CTNNA2: variants seen among roughly 807,000 people sequenced by gnomAD.
CTNNA2 encodes the protein catenin alpha 2.
Under a neutral mutation model 101.0 loss-of-function variants are expected in CTNNA2, and 42 were observed. That is an observed-to-expected ratio of 0.42 (90% confidence interval 0.32 to 0.54). The LOEUF (loss-of-function observed/expected upper bound fraction) is 0.54. CTNNA2 is among the 20% of genes least tolerant of loss of function. The probability of loss-of-function intolerance (pLI) is 0.14; values close to 1 mark genes in which losing one functional copy is unlikely to be tolerated. For synonymous variants in CTNNA2, 450 were observed against 456.4 expected (o/e 0.99, Z 0.18); for missense variants, 871 against 1,223.1 (o/e 0.71, Z 4.29).
chr2:80,097,775 C>A (rs1030651026), intron 7 of CTNNA2, among the ~76,000 whole-genome samples: 4 of 152,284 alleles, frequency 2.6e-5, no homozygotes, highest in East Asian at 3.9e-4. Context: ...ATCGCTGATA[C>A]CCTTTCTTCC....
intron 7 of CTNNA2, among the ~76,000 whole-genome samples, chr2:79,947,003 T>C (rs530211398): frequency 2.0e-5 from 3 of 152,194 alleles, no homozygotes; most frequent in South Asian, 2.1e-4. Context: ...TCCAGAATTA[T>C]ACACACTAAA....
At chr2:79,980,307 A>G (rs936429534) in intron 7 of CTNNA2, among the ~76,000 whole-genome samples, 1 of 152,178 alleles carries the variant, frequency 6.6e-6, no homozygotes, top group Admixed American at 6.5e-5. Context: ...GAGTAAATGC[A>G]TATACTCATA....
intron 1 of CTNNA2, among the ~76,000 whole-genome samples, chr2:79,629,802 T>G (rs951213912): frequency 2.0e-4 from 30 of 152,316 alleles, no homozygotes; most frequent in African/African-American, 6.5e-4. Context: ...TTCTGAATTT[T>G]GTGATATCTT....
chr2:79,362,447 T>C (rs548960835), intron 3 of CTNNA2, among the ~76,000 whole-genome samples: 2 of 152,308 alleles, frequency 1.3e-5, no homozygotes, highest in Middle Eastern at 3.4e-3. Flanking sequence ...GAATCTTCCA[T>C]GGTCAAGTAT....
chr2:80,616,940 AGT>A (rs770714926), intron 17 of CTNNA2, among the ~76,000 whole-genome samples: 11 of 151,732 alleles, frequency 7.2e-5, no homozygotes, highest in South Asian at 2.1e-4. Flanking sequence ...GGGTTCCTGA[AGT>A]CATTTTCCAT....
At chr2:80,131,300 C>T (rs1702403380) in intron 7 of CTNNA2, among the ~76,000 whole-genome samples, 1 of 152,146 alleles carries the variant, frequency 6.6e-6, no homozygotes, top group South Asian at 2.1e-4. Flanking sequence ...CTCAAGTGAT[C>T]TGCCCGCCTT....
At chr2:80,576,785 C>T (rs1341291455) in intron 13 of CTNNA2, among the ~76,000 whole-genome samples, 55 of 5,204 alleles carry the variant, frequency 0.011, no homozygotes, top group African/African-American at 0.024. Flanking sequence ...CCTGTCTCTA[C>T]TGAAAAAAAA....
rs1358791215 is a variant in CTNNA2, at chr2:79,567,127, A to G, written c.-6+53920A>G. Among the ~76,000 whole-genome samples, 3 of 152,310 alleles carry G rather than the reference A, an allele frequency of 2.0e-5. No homozygotes were observed. In the South Asian group the frequency reaches 6.2e-4, roughly 32 times the overall value. On this transcript the variant is annotated intron_variant, in intron 1 of 18. Coordinates refer to ENST00000402739, the MANE Select transcript of CTNNA2 (RefSeq NM_001282597.3). ...TGGTAGAAGAGAAAATTAAGTTGGA[A>G]GAAGGAAATGTATTTGACTTAAATA...
intron 9 of CTNNA2, among the ~76,000 whole-genome samples, chr2:80,434,271 C>T (rs961560746): frequency 6.6e-6 from 1 of 152,116 alleles, no homozygotes; most frequent in Non-Finnish European, 1.5e-5. Context: ...TTCTACTTAT[C>T]GCTTCTACAA....
At chr2:79,640,572 G>A (rs540048866) in intron 1 of CTNNA2, among the ~76,000 whole-genome samples, 2 of 152,276 alleles carry the variant, frequency 1.3e-5, no homozygotes, top group South Asian at 4.1e-4. Context: ...GATGTCATGT[G>A]TTTTCAGGGT....
At chr2:80,060,315 A>G (rs539020128) in intron 7 of CTNNA2, among the ~76,000 whole-genome samples, 1 of 152,208 alleles carries the variant, frequency 6.6e-6, no homozygotes, top group Non-Finnish European at 1.5e-5. Context: ...AAAGGCGGAC[A>G]CAGCTGGAGA....
intron 7 of CTNNA2, among the ~76,000 whole-genome samples, chr2:79,987,816 G>A (rs1230576691): frequency 6.6e-6 from 1 of 152,230 alleles, no homozygotes; most frequent in Non-Finnish European, 1.5e-5. Context: ...GTACTGTTAA[G>A]TGGAAAATGC....
chr2:80,613,464 A>G (rs917449138), intron 17 of CTNNA2, among the ~76,000 whole-genome samples: 2 of 151,392 alleles, frequency 1.3e-5, no homozygotes, highest in African/African-American at 4.8e-5. Flanking sequence ...GCTGGGCATC[A>G]TAGAAAGCTT....
intron 7 of CTNNA2, among the ~76,000 whole-genome samples, chr2:79,944,075 A>G (rs1212220297): frequency 6.6e-6 from 1 of 152,196 alleles, no homozygotes; most frequent in East Asian, 1.9e-4. Flanking sequence ...AAAGAAACAA[A>G]TAACTTACAG....
At chr2:79,393,983 T>C (rs1382567525) in intron 4 of CTNNA2, among the ~76,000 whole-genome samples, 1 of 151,986 alleles carries the variant, frequency 6.6e-6, no homozygotes, top group Non-Finnish European at 1.5e-5. Flanking sequence ...TTAGTTCAAT[T>C]GCTGACAGGA....
rs750734155 is a variant in CTNNA2 at position 80,393,164 on chromosome 2, T to C, written c.1057-47T>C. 7.0e-6 allele frequency: 10 copies of C among 1,436,864 alleles called. No homozygotes were observed. The African/African-American group carries it at 1.4e-4, about 21-fold the overall frequency. 89.0% of individuals were successfully genotyped at this position (1,436,864 alleles called of 1,614,324 possible). ...GATTTTTTTAAATTTTTAATGTCTC[T>C]AACATTGAATATGCTAAATCAGAAA... On this transcript the variant is annotated intron_variant, in intron 7 of 18. Coordinates refer to ENST00000402739, the MANE Select transcript of CTNNA2 (RefSeq NM_001282597.3).
chr2:79,941,929 T>A (rs1342450272), intron 7 of CTNNA2, among the ~76,000 whole-genome samples: 2 of 152,098 alleles, frequency 1.3e-5, no homozygotes, highest in Non-Finnish European at 2.9e-5. Flanking sequence ...CAGAAAACTA[T>A]TTTTTAAAGG....
At chr2:79,915,049 C>T (rs866513675) in intron 7 of CTNNA2, among the ~76,000 whole-genome samples, 3 of 151,820 alleles carry the variant, frequency 2.0e-5, no homozygotes, top group Admixed American at 6.6e-5. Flanking sequence ...ATGGCCTATA[C>T]ACAGCAAGCC....
At chr2:80,636,926 A>G (rs1288579854) in intron 18 of CTNNA2, among the ~76,000 whole-genome samples, 1 of 152,172 alleles carries the variant, frequency 6.6e-6, no homozygotes, top group Non-Finnish European at 1.5e-5. Flanking sequence ...TAAAGGATTC[A>G]GTAGTGCTAG....
Sources: allele counts gnomAD v4.1 joint callset (sites outside exome capture counted in the v4.1 genomes callset), GRCh38; gene constraint gnomAD v4.1.1; transcripts MANE v1.5; gene names NCBI Gene and HGNC (gene_info 2026-07-23, HGNC 2026-07-21).